ACSM5: variants seen among roughly 807,000 people sequenced by gnomAD.
The protein encoded by ACSM5 is acyl-CoA synthetase medium chain family member 5.
In ACSM5, 56 loss-of-function variants were observed where a neutral mutation model predicts 71.6. The observed-to-expected ratio is 0.78, with a 90% confidence interval of 0.63 to 0.98. The LOEUF (loss-of-function observed/expected upper bound fraction) is 0.98, where lower values mean the gene tolerates loss of function less well. Among genes scored for constraint, ACSM5 ranks in the 50% least tolerant of loss-of-function variants. The pLI is 0.00. For missense variants in ACSM5, 723 were observed against 726.0 expected (o/e 1.00, Z 0.05); for synonymous variants, 285 against 281.5 (o/e 1.01, Z -0.12).
At chr16:20,415,560 T>C (rs182316668) in intron 2 of ACSM5, among the ~76,000 whole-genome samples, 251 of 152,242 alleles carry the variant, frequency 1.6e-3, no homozygotes, top group Non-Finnish European at 5.0e-4. Flanking sequence ...GAGAGGAAAA[T>C]ATAGAAGAAG....
chr16:20,427,163 T>G (rs1380881845), intron 6 of ACSM5, among the ~76,000 whole-genome samples: 5 of 151,866 alleles, frequency 3.3e-5, no homozygotes, highest in Admixed American at 6.6e-5. Context: ...TAGCCGGGCC[T>G]GGTGGTGGGC....
In ACSM5 at chr16:20,437,068, C is replaced by G. The variant is rs758437386; in HGVS notation, c.1325C>G (p.Thr442Arg). ...GTCTTTCAGGACAATCCTGAGAAGA[C>G]AGCTGCATCAGAACAAGGGGACTTT... ...FNCYLDNPEK[T>R]AASEQGDFYI... The change falls in exon 11 of 14, where the codon ACA becomes AGA. Residue 442 changes from threonine to arginine, a missense_variant. Thr to Arg is a moderately conservative substitution (Grantham distance 71). Transcript: ENST00000331849. The G allele has an allele frequency of 6.2e-7, 1 of 1,614,156 alleles. No individual in the cohort carries two copies. Among genetic ancestry groups the G allele is most frequent in the Non-Finnish European group, 8.5e-7 (1 of 1,180,038 alleles).
chr16:20,439,765 G>A (rs1440295412), intron 12 of ACSM5, 35 bp from the exon 13 acceptor site: 16 of 1,597,090 alleles, frequency 1.0e-5, no homozygotes, highest in Non-Finnish European at 1.3e-5. Flanking sequence ...GTTATACGAG[G>A]CCTGATCTTT....
intron 1 of ACSM5, among the ~76,000 whole-genome samples, chr16:20,410,558 T>C (rs1246982456): frequency 2.0e-5 from 3 of 152,098 alleles, no homozygotes; most frequent in African/African-American, 7.2e-5. Context: ...AGTGAGATCC[T>C]GTTTCTACAA....
chr16:20,430,200 TACACACACAC>T (rs199835504), intron 8 of ACSM5, among the ~76,000 whole-genome samples: 12,845 of 144,824 alleles, frequency 0.089, 663 homozygotes, highest in East Asian at 0.19. Context: ...GCTATTGAAA[TACACACACAC>T]ACACACACAC....
chr16:20,411,678 G>C lies in ACSM5; in HGVS notation c.194G>C (p.Arg65Pro). Reference sequence around the variant, plus strand: ...CATGATGTGCTGGATGTGTGGAGTCGGCTGGAAGAGGTGAAGCCTGTTCTG... The same window carrying C: ...CATGATGTGCTGGATGTGTGGAGTCCGCTGGAAGAGGTGAAGCCTGTTCTG... Reference protein sequence around the residue: ...FAHDVLDVWSRLEEAGHRPPN... With the variant: ...FAHDVLDVWSPLEEAGHRPPN... Residue 65 changes from arginine to proline, a missense_variant, in exon 2 of 14, where the codon CGG becomes CCG. Physicochemically the swap from Arg to Pro is moderately radical, Grantham distance 103 (BLOSUM62 -2). Coordinates refer to ENST00000331849, the MANE Select transcript of ACSM5 (RefSeq NM_017888.3). The C allele has an allele frequency of 6.2e-7, 1 of 1,613,780 alleles. No homozygotes were observed. Among genetic ancestry groups the C allele is most frequent in the Non-Finnish European group, 8.5e-7 (1 of 1,180,012 alleles).
rs772496625 is a variant in ACSM5 at position 20,427,916 on chromosome 16, T to C, written c.1001+49T>C. 21 of 1,287,428 alleles carry C rather than the reference T, an allele frequency of 1.6e-5. No homozygotes were observed. In the East Asian group the frequency reaches 3.5e-4, roughly 21 times the overall value. The allele number at this position is 1,287,428 out of a possible 1,614,324, so 79.8% of individuals were successfully genotyped here. On this transcript the variant is annotated intron_variant, in intron 7 of 13. Transcript: ENST00000331849. Reference sequence around the variant, plus strand: ...TTGAGGGCCTAAGTATGTGAATATATAGCATGGGTATCCACACACACAACT... The same window carrying C: ...TTGAGGGCCTAAGTATGTGAATATACAGCATGGGTATCCACACACACAACT...
At chr16:20,436,101 TTTC>T (rs1967191436) in intron 10 of ACSM5, among the ~76,000 whole-genome samples, 1 of 64,892 alleles carries the variant, frequency 1.5e-5, no homozygotes, top group Non-Finnish European at 3.0e-5. Context: ...TTTCTCTTTC[TTTC>T]TTTCTTTTTC....
At chr16:20,435,669 T>C (rs964778369) in intron 10 of ACSM5, among the ~76,000 whole-genome samples, 1 of 152,216 alleles carries the variant, frequency 6.6e-6, no homozygotes, top group African/African-American at 2.4e-5. Context: ...CAGTATATAA[T>C]AATTTTGCAT....
chr16:20,414,295 C>A lies in ACSM5; in HGVS notation c.204+2607C>A, dbSNP rs369527125. Reference sequence around the variant, plus strand: ...AAGATATTCATATGAAGAGATTATTCTGGATTATCTGGATGAGCCTAATAT... The same window carrying A: ...AAGATATTCATATGAAGAGATTATTATGGATTATCTGGATGAGCCTAATAT... On this transcript the variant is annotated intron_variant, in intron 2 of 13. Transcript: ENST00000331849. 1.3e-3 allele frequency among the ~76,000 whole-genome samples: 197 copies of A among 152,168 alleles called. 3 individuals are homozygous for A. In the South Asian group the frequency reaches 0.036, roughly 28 times the overall value.
At chr16:20,419,507 A>G (rs1250702765) in intron 4 of ACSM5, 72 bp downstream of exon 4, 7 of 1,434,436 alleles carry the variant, frequency 4.9e-6, no homozygotes, top group African/African-American at 1.4e-5. Flanking sequence ...GATGAAATGC[A>G]TTGCTGATTC....
chr16:20,436,112 T>TCTTTC (rs1967192142), intron 10 of ACSM5, among the ~76,000 whole-genome samples: 1 of 141,516 alleles, frequency 7.1e-6, no homozygotes, highest in Non-Finnish European at 1.5e-5. Context: ...TTCTTTCTTT[T>TCTTTC]TCTCTTTCTT....
In ACSM5 at chr16:20,440,503, G is replaced by A. The variant is rs558779679; in HGVS notation, c.*76G>A. 6.7e-6 allele frequency: 9 copies of A among 1,337,464 alleles called. No homozygotes were observed. The highest frequency in any genetic ancestry group is 5.7e-5 in the African/African-American group (4 of 69,896). 82.8% of individuals were successfully genotyped at this position (1,337,464 alleles called of 1,614,324 possible). On this transcript the variant is annotated 3_prime_UTR_variant, in exon 14 of 14. Coordinates refer to ENST00000331849, the MANE Select transcript of ACSM5 (RefSeq NM_017888.3). ...AATGGATCACTGGTCAGTCCCCATG[G>A]GGAGCATCATCTCTTCGACCCTAAA...
In ACSM5 at chr16:20,433,105, G is replaced by C. The variant is rs373766639; in HGVS notation, c.1308+1784G>C. 2.0e-5 allele frequency among the ~76,000 whole-genome samples: 3 copies of C among 152,164 alleles called. No homozygotes were observed. In the South Asian group the frequency reaches 6.2e-4, roughly 32 times the overall value. ...ATTTCTGGCCTCAAGTGATCTGCCCGCCTCGGGCAACTCCCAAAGTGCTGG... is the reference window on the plus strand; with the variant it reads ...ATTTCTGGCCTCAAGTGATCTGCCCCCCTCGGGCAACTCCCAAAGTGCTGG... On this transcript the variant is annotated intron_variant, in intron 10 of 13. Coordinates refer to ENST00000331849, the MANE Select transcript of ACSM5 (RefSeq NM_017888.3).
At chr16:20,432,891 C>T (rs1223024474) in intron 10 of ACSM5, among the ~76,000 whole-genome samples, 1 of 96,080 alleles carries the variant, frequency 1.0e-5, no homozygotes, top group African/African-American at 4.5e-5. Context: ...TGTCTTCTCA[C>T]TCTGTTGCCC....
In ACSM5 at chr16:20,412,995, C is replaced by T. The variant is rs183719340; in HGVS notation, c.204+1307C>T. Reference sequence around the variant, plus strand: ...TGCAGTCAGATAGACATTGTTCATCCGTGTACTTGAAGTGTGACCTTGGAC... The same window carrying T: ...TGCAGTCAGATAGACATTGTTCATCTGTGTACTTGAAGTGTGACCTTGGAC... On this transcript the variant is annotated intron_variant, in intron 2 of 13. Coordinates refer to ENST00000331849, the MANE Select transcript of ACSM5 (RefSeq NM_017888.3). 4.6e-5 allele frequency among the ~76,000 whole-genome samples: 7 copies of T among 152,236 alleles called. No homozygotes were observed. In the East Asian group the frequency reaches 5.8e-4, roughly 13 times the overall value.
At chr16:20,436,244 T>A (rs1257053187) in intron 10 of ACSM5, among the ~76,000 whole-genome samples, 1 of 116,202 alleles carries the variant, frequency 8.6e-6, no homozygotes, top group Non-Finnish European at 1.7e-5. Flanking sequence ...CTCCCCACTC[T>A]CCTCTCCCCT....
intron 5 of ACSM5, among the ~76,000 whole-genome samples, chr16:20,423,613 T>A (rs554622173): frequency 6.6e-5 from 10 of 152,338 alleles, no homozygotes; most frequent in African/African-American, 2.2e-4. Context: ...GCTAAATAAA[T>A]GTTGGCTAAA....
At chr16:20,436,335 G>A (rs1967199799) in intron 10 of ACSM5, among the ~76,000 whole-genome samples, 1 of 143,054 alleles carries the variant, frequency 7.0e-6, no homozygotes, top group Admixed American at 7.2e-5. Flanking sequence ...CTGCAGTGCA[G>A]TGGCACAATC....
Sources: gnomAD v4.1 joint callset for allele counts (sites outside exome capture counted in the v4.1 genomes callset) on GRCh38, gnomAD v4.1.1 for gene constraint, MANE v1.5 for transcripts, NCBI Gene and HGNC (gene_info 2026-07-23, HGNC 2026-07-21) for gene names.